Variants in NR2F1 observed in about 807,000 individuals in gnomAD.
NR2F1 encodes the protein nuclear receptor subfamily 2 group F member 1, also known as COUP transcription factor 1.
NR2F1 carries 1 observed loss-of-function variant against 37.7 expected under a neutral mutation model. That is an observed-to-expected ratio of 0.03 (90% CI 0.01 to 0.13). The LOEUF (loss-of-function observed/expected upper bound fraction) is 0.13, where lower values mean the gene tolerates loss of function less well. Among genes scored for constraint, NR2F1 ranks in the 10% least tolerant of loss-of-function variants. The pLI is 1.00. For synonymous variants in NR2F1, 275 were observed against 259.6 expected (o/e 1.06, Z -0.57); for missense variants, 268 against 578.4 (o/e 0.46, Z 5.50).
Position 93,588,164 on chromosome 5 carries a change from C to G in NR2F1, c.711C>G (p.Ile237Met). The G allele has an allele frequency of 6.2e-7, 1 of 1,614,084 alleles. No homozygotes were observed. Among genetic ancestry groups the G allele is most frequent in the Non-Finnish European group, 8.5e-7 (1 of 1,180,008 alleles). Residue 237 changes from isoleucine (I) to methionine (M), a missense_variant, in exon 2 of 3, where the codon ATC becomes ATG. Coordinates refer to ENST00000327111, the MANE Select transcript of NR2F1 (RefSeq NM_005654.6). ...LFSAVEWARN[I>M]PFFPDLQITD... ...GCGCCGTCGAGTGGGCCCGCAACAT[C>G]CCCTTCTTCCCGGATCTGCAGATCA...
chr5:93,587,906 C>CT lies in NR2F1; in HGVS notation c.464-6dup. On this transcript the variant is annotated splice_polypyrimidine_tract_variant and intron_variant, in intron 1 of 2. Transcript: ENST00000327111. ...TGCACATTGCCTCTTTTCTCTCTTTCTTTTTGTCAGCGGTTCAGCGAGGAA... is the reference window on the plus strand; with the variant it reads ...TGCACATTGCCTCTTTTCTCTCTTTCTTTTTTGTCAGCGGTTCAGCGAGGAA... The CT allele has an allele frequency of 6.5e-7, 1 of 1,548,698 alleles. No homozygotes were observed. Among genetic ancestry groups the CT allele is most frequent in the Non-Finnish European group, 8.7e-7 (1 of 1,144,598 alleles).
At position 93,583,612 on chromosome 5, in the gene NR2F1, G is replaced by C. The variant is rs1428397670; in HGVS notation, c.-1412G>C. ...TTATACATATATGATTTTTTTTGGA[G>C]GGAGGGTGTTGGTTGCCGGCTGAAG... On this transcript the variant is annotated 5_prime_UTR_variant, in exon 1 of 3. Transcript: ENST00000327111. 6.6e-6 allele frequency: 1 copy of C among 151,594 alleles called. No homozygotes were observed. The highest frequency in any genetic ancestry group is 1.5e-5 in the Non-Finnish European group (1 of 67,922). 9.4% of individuals were successfully genotyped at this position (151,594 alleles called of 1,614,324 possible). A position where few individuals can be genotyped will look rare whatever the true frequency, so the allele number is the denominator to read the frequency against.
intron 2 of NR2F1, chr5:93,592,152 T>C (rs1182535419): frequency 2.0e-5 from 3 of 152,346 alleles, no homozygotes; most frequent in African/African-American, 2.4e-5. Flanking sequence ...TCTTGAAATA[T>C]AAGGTCATAA....
At position 93,584,262 on chromosome 5, in the gene NR2F1, C is replaced by A; in HGVS notation, c.-762C>A. 1 of 149,250 alleles carries A rather than the reference C, an allele frequency of 6.7e-6. No homozygotes were observed. The highest frequency in any genetic ancestry group is 1.9e-4 in the South Asian group (1 of 5,364). 9.2% of individuals were successfully genotyped at this position (149,250 alleles called of 1,614,324 possible). ...GGGTCCCGGCTCCTCCAGCGGCGCT[C>A]GCCGCAGCAGCTCCGGCGGCAGCTC... is the stretch of plus-strand genomic sequence containing the variant. On this transcript the variant is annotated 5_prime_UTR_variant, in exon 1 of 3. Coordinates refer to ENST00000327111, the MANE Select transcript of NR2F1 (RefSeq NM_005654.6).
rs1482866663 is a variant in NR2F1, at chr5:93,583,864, C to T, written c.-1160C>T. The T allele has an allele frequency of 6.6e-6, 1 of 152,412 alleles. No homozygotes were observed. The highest frequency in any genetic ancestry group is 1.5e-5 in the Non-Finnish European group (1 of 68,014). 9.4% of individuals were successfully genotyped at this position (152,412 alleles called of 1,614,324 possible). On this transcript the variant is annotated 5_prime_UTR_variant, in exon 1 of 3. Transcript: ENST00000327111. Reference sequence around the variant, plus strand: ...TATTTTTTCTATTTCGCTGTGATTTCGTCGCCGGCGTGAATTATCCCGTAT... The same window carrying T: ...TATTTTTTCTATTTCGCTGTGATTTTGTCGCCGGCGTGAATTATCCCGTAT...
rs1160875360 is a variant in NR2F1, at chr5:93,584,537, C to A, written c.-487C>A. 2 of 149,210 alleles carry A rather than the reference C, an allele frequency of 1.3e-5. No homozygotes were observed. The highest frequency in any genetic ancestry group is 4.9e-5 in the African/African-American group (2 of 40,876). 9.2% of individuals were successfully genotyped at this position (149,210 alleles called of 1,614,324 possible). A position where few individuals can be genotyped will look rare whatever the true frequency, so the allele number is the denominator to read the frequency against. On this transcript the variant is annotated 5_prime_UTR_variant, in exon 1 of 3. Coordinates refer to ENST00000327111, the MANE Select transcript of NR2F1 (RefSeq NM_005654.6). ...CCGCCCCCGGCGCTGCGCCCCGCGC[C>A]GCTCCCGGCTGCCGCCTGTGCCATT...
rs202243427 is a variant in NR2F1 at position 93,593,563 on chromosome 5, C to G, written c.993C>G (p.Asp331Glu). 1 of 1,611,038 alleles carries G rather than the reference C, an allele frequency of 6.2e-7. No homozygotes were observed. The highest frequency in any genetic ancestry group is 1.7e-5 in the Admixed American group (1 of 59,956). ...CLKAIVLFTS[D>E]ACGLSDAAHI... ...TCCCTCCTGTGGCTGCTTGGGCAGACGCCTGTGGCCTGTCGGATGCGGCCC... is the reference window on the plus strand; with the variant it reads ...TCCCTCCTGTGGCTGCTTGGGCAGAGGCCTGTGGCCTGTCGGATGCGGCCC... The change falls in exon 3 of 3, where the codon GAC becomes GAG. Residue 331 changes from aspartate to glutamate, a missense_variant and splice_region_variant. By Grantham distance (45) the Asp-to-Glu change is conservative (BLOSUM62 2). This residue lies in a region of NR2F1 where 99 missense variants were observed against 191.9 expected (regional missense o/e 0.52). Transcript: ENST00000327111. This position sits in a 1 kb window ranked among gnomAD's most constrained non-coding sequence, Gnocchi z 5.6.
rs1753380397 is a variant in NR2F1 at position 93,593,979 on chromosome 5, A to T, written c.*137A>T. 1 of 712,970 alleles carries T rather than the reference A, an allele frequency of 1.4e-6. No homozygotes were observed. The highest frequency in any genetic ancestry group is 2.3e-6 in the Non-Finnish European group (1 of 428,520). The allele number at this position is 712,970 out of a possible 1,614,324, so 44.2% of individuals were successfully genotyped here. ...GGGTGGGAGGGAGGAGGGCCGAGAC[A>T]GGAGCAGCCCACCCAGCAGAAATAC... On this transcript the variant is annotated 3_prime_UTR_variant, in exon 3 of 3. Transcript: ENST00000327111. The surrounding 1 kb of genome is among the most constrained non-coding windows in gnomAD (Gnocchi z 5.6).
Position 93,588,429 on chromosome 5 carries a change from G to A in NR2F1, c.976G>A (p.Val326Met), listed in dbSNP as rs1482286049. The A allele has an allele frequency of 2.5e-6, 4 of 1,606,352 alleles. No individual in the cohort carries two copies. The highest frequency in any genetic ancestry group is 3.4e-6 in the Non-Finnish European group (4 of 1,175,316). ...SAEYSCLKAIVLFTSDACGLS... is the reference protein window; with the variant it reads ...SAEYSCLKAIMLFTSDACGLS... ...CGAGTACAGCTGCCTCAAAGCCATC[G>A]TGCTGTTCACGTCAGGTGAGGCTGC... Residue 326 changes from valine to methionine, a missense_variant, in exon 2 of 3, where the codon GTG becomes ATG. Physicochemically the swap from Val to Met is conservative, Grantham distance 21 (BLOSUM62 1). Coordinates refer to ENST00000327111, the MANE Select transcript of NR2F1 (RefSeq NM_005654.6).
intron 1 of NR2F1, 124 bp downstream of exon 1, chr5:93,585,610 T>A: frequency 1.3e-6 from 1 of 768,872 alleles, no homozygotes; most frequent in Non-Finnish European, 2.1e-6. Context: ...CGTCCCAGCT[T>A]TCCTTCTCCC....
In NR2F1 at chr5:93,588,110, C is replaced by T. The variant is rs1001061748; in HGVS notation, c.657C>T (p.Ile219=). ...ACAACATTATGGGCATCGAGAACAT[C>T]TGCGAGCTGGCCGCGCGCCTGCTCT... is the stretch of plus-strand genomic sequence containing the variant. ...QPNNIMGIEN[I]CELAARLLFS... Residue 219 remains isoleucine (I), a synonymous_variant, in exon 2 of 3, where the codon ATC becomes ATT. Transcript: ENST00000327111. 12 of 1,614,090 alleles carry T rather than the reference C, an allele frequency of 7.4e-6. No individual in the cohort carries two copies. The highest frequency in any genetic ancestry group is 1.0e-5 in the Non-Finnish European group (12 of 1,180,048).
chr5:93,583,726 CAGA>C lies in NR2F1; in HGVS notation c.-1292_-1290del, dbSNP rs1332584531. The C allele has an allele frequency of 1.3e-5, 2 of 152,050 alleles. No homozygotes were observed. Among genetic ancestry groups the C allele is most frequent in the East Asian group, 1.9e-4 (1 of 5,192 alleles). 9.4% of individuals were successfully genotyped at this position (152,050 alleles called of 1,614,324 possible). On this transcript the variant is annotated 5_prime_UTR_variant, in exon 1 of 3. Transcript: ENST00000327111. ...GCTCTGTGTGTTATAGCAGAAGAAG[CAGA>C]AGAAGGAGCAAGAAAGAGGAAAAGA...
intron 2 of NR2F1, among the ~76,000 whole-genome samples, chr5:93,590,908 G>C (rs1205511532): frequency 6.6e-6 from 1 of 152,194 alleles, no homozygotes; most frequent in Non-Finnish European, 1.5e-5. Flanking sequence ...AAATTCATTA[G>C]TTCATACACC....
intron 2 of NR2F1, among the ~76,000 whole-genome samples, chr5:93,588,649 G>A (rs1292640663): frequency 6.6e-6 from 1 of 150,566 alleles, no homozygotes; most frequent in African/African-American, 2.4e-5. Context: ...GCGGCGGTGC[G>A]GGAACCGAGG....
intron 1 of NR2F1, among the ~76,000 whole-genome samples, chr5:93,586,534 A>G (rs1295850719): frequency 6.6e-6 from 1 of 152,244 alleles, no homozygotes; most frequent in Admixed American, 6.5e-5. Flanking sequence ...CTTGACAATC[A>G]TTAAAGATGT....
Position 93,587,896 on chromosome 5 carries a change from TTCTC to T in NR2F1, c.464-17_464-14del, listed in dbSNP as rs748118025. 1.9e-6 allele frequency: 3 copies of T among 1,545,138 alleles called. No homozygotes were observed. The highest frequency in any genetic ancestry group is 1.4e-5 in the African/African-American group (1 of 73,208). On this transcript the variant is annotated splice_polypyrimidine_tract_variant and intron_variant, in intron 1 of 2. Coordinates refer to ENST00000327111, the MANE Select transcript of NR2F1 (RefSeq NM_005654.6). ...GCTCCCTGGATGCACATTGCCTCTT[TTCTC>T]TCTTTCTTTTTGTCAGCGGTTCAGC...
chr5:93,586,708 G>A (rs1003177952), intron 1 of NR2F1, among the ~76,000 whole-genome samples: 3 of 151,352 alleles, frequency 2.0e-5, no homozygotes, highest in Non-Finnish European at 4.4e-5. Flanking sequence ...GCTCCAGGGA[G>A]ATTTTGTAGG....
intron 1 of NR2F1, among the ~76,000 whole-genome samples, chr5:93,586,629 T>A (rs1753238923): frequency 6.6e-6 from 1 of 152,142 alleles, no homozygotes; most frequent in South Asian, 2.1e-4. Context: ...ATATTTTATA[T>A]GCCACAAGAA....
chr5:93,585,526 C>A, intron 1 of NR2F1, 40 bp downstream of exon 1: 1 of 1,526,632 alleles, frequency 6.6e-7, no homozygotes, highest in Non-Finnish European at 9.0e-7. Context: ...GCGCTTCGCC[C>A]GCCTCCCTGG....
Sources: allele counts gnomAD v4.1 joint callset (sites outside exome capture counted in the v4.1 genomes callset), GRCh38; gene constraint gnomAD v4.1.1; regional missense constraint gnomAD v4.1.1; non-coding constraint Gnocchi (gnomAD v3.1); transcripts MANE v1.5; gene names NCBI Gene and HGNC (gene_info 2026-07-23, HGNC 2026-07-21).